DLG2: variants seen among roughly 807,000 people sequenced by gnomAD.
DLG2 encodes the protein disks large homolog 2.
Under a neutral mutation model 132.5 loss-of-function variants are expected in DLG2, and 45 were observed. The observed-to-expected ratio is 0.34, with a 90% CI of 0.27 to 0.44. The LOEUF (loss-of-function observed/expected upper bound fraction) is 0.44, where lower values mean the gene tolerates loss of function less well. DLG2 is among the 20% of genes least tolerant of loss of function. The pLI, the probability that DLG2 is intolerant of heterozygous loss-of-function variation, is 1.00. For synonymous variants in DLG2, 424 were observed against 419.6 expected, an observed-to-expected ratio of 1.01 and a Z score of -0.13; for missense variants, 1,045 against 1,196.9, an observed-to-expected ratio of 0.87 and a Z score of 1.87.
intron 16 of DLG2, among the ~76,000 whole-genome samples, chr11:83,865,350 C>A (rs764772089): frequency 1.3e-5 from 2 of 152,034 alleles, no homozygotes; most frequent in Non-Finnish European, 2.9e-5. Flanking sequence ...TACCCAACCA[C>A]CTTACAAAGC....
chr11:83,826,077 A>G (rs1349383144), intron 17 of DLG2, among the ~76,000 whole-genome samples: 1 of 124,840 alleles, frequency 8.0e-6, no homozygotes, highest in Non-Finnish European at 1.7e-5. Flanking sequence ...CTTTAAGAAC[A>G]GCAGGACACC....
intron 18 of DLG2, among the ~76,000 whole-genome samples, chr11:83,655,640 T>G (rs951063625): frequency 6.6e-6 from 1 of 152,222 alleles, no homozygotes; most frequent in Non-Finnish European, 1.5e-5. Flanking sequence ...TGAAGATATT[T>G]GATTTTATCA....
chr11:84,739,079 G>T (rs983021012), intron 6 of DLG2, among the ~76,000 whole-genome samples: 2 of 152,094 alleles, frequency 1.3e-5, no homozygotes, highest in African/African-American at 4.8e-5. Flanking sequence ...GAGGAATCTT[G>T]GGGTGATGGT....
intron 7 of DLG2, among the ~76,000 whole-genome samples, chr11:84,349,439 C>G (rs969733556): frequency 6.6e-6 from 1 of 150,468 alleles, no homozygotes; most frequent in African/African-American, 2.5e-5. Flanking sequence ...TATTTCAACC[C>G]TTTGGAAAAA....
chr11:84,444,056 T>C (rs2154478744), intron 7 of DLG2, among the ~76,000 whole-genome samples: 1 of 152,140 alleles, frequency 6.6e-6, no homozygotes, highest in East Asian at 1.9e-4. Context: ...ATCTTGTCCT[T>C]TTCAGGGACA....
At chr11:85,478,133 A>G (rs1008022732) in intron 3 of DLG2, among the ~76,000 whole-genome samples, 1 of 151,992 alleles carries the variant, frequency 6.6e-6, no homozygotes, top group African/African-American at 2.4e-5. Context: ...TCAGCTTCCC[A>G]AGGAACTAAG....
chr11:85,407,568 G>T (rs572525342), intron 3 of DLG2, among the ~76,000 whole-genome samples: 1 of 151,922 alleles, frequency 6.6e-6, no homozygotes, highest in African/African-American at 2.4e-5. Context: ...GCAAGAATTT[G>T]AGTGCAATTT....
intron 3 of DLG2, among the ~76,000 whole-genome samples, chr11:85,503,322 A>G (rs774653129): frequency 1.2e-4 from 19 of 152,134 alleles, no homozygotes; most frequent in South Asian, 6.2e-4. Flanking sequence ...TCTAATGACA[A>G]TATATATTTA....
chr11:84,071,242 C>T (rs2096751817), intron 10 of DLG2, among the ~76,000 whole-genome samples: 1 of 151,990 alleles, frequency 6.6e-6, no homozygotes, highest in Non-Finnish European at 1.5e-5. Flanking sequence ...CGAGTGCACA[C>T]CATCACACTG....
At position 84,323,720 on chromosome 11, in the gene DLG2, CTT is replaced by C. The variant is rs35283044; in HGVS notation, c.520-72431_520-72430del. On this transcript the variant is annotated intron_variant, in intron 7 of 27. Coordinates refer to ENST00000376104, the MANE Select transcript of DLG2 (RefSeq NM_001142699.3). ...AACATTTTTTTTGCTTTCTTTTTTCCTTTTTTTTTTTTTTTTTTTTGATAATG... is the reference window on the plus strand; with the variant it reads ...AACATTTTTTTTGCTTTCTTTTTTCCTTTTTTTTTTTTTTTTTTGATAATG... Among the ~76,000 whole-genome samples, 826 of 123,724 alleles carry C rather than the reference CTT, an allele frequency of 6.7e-3. 4 individuals are homozygous for C. Among genetic ancestry groups the C allele is most frequent in the African/African-American group, 0.02 (657 of 33,186 alleles). The allele number at this position is 123,724 out of a possible 152,430, so 81.2% of individuals were successfully genotyped here.
chr11:85,244,251 G>T (rs182608622), intron 4 of DLG2, among the ~76,000 whole-genome samples: 155 of 152,042 alleles, frequency 1.0e-3, no homozygotes, highest in African/African-American at 3.5e-3. Context: ...AAATTATTTA[G>T]AAGTTTAGTA....
chr11:85,175,527 G>A (rs2079174793), intron 4 of DLG2, among the ~76,000 whole-genome samples: 1 of 152,126 alleles, frequency 6.6e-6, no homozygotes. Context: ...GCAAAAGCTG[G>A]AAGCAGAACC....
chr11:85,367,550 G>A (rs2084652661), intron 3 of DLG2, among the ~76,000 whole-genome samples: 1 of 152,076 alleles, frequency 6.6e-6, no homozygotes, highest in Admixed American at 6.6e-5. Flanking sequence ...TGACAGAGTG[G>A]CTTAATCAAT....
rs527565500 is a variant in DLG2 at position 84,640,240 on chromosome 11, C to A, written c.358-105509G>T. On this transcript the variant is annotated intron_variant, in intron 6 of 27. Transcript: ENST00000376104. ...CACAGAACATGATCAAGGGTGTTAA[C>A]AGTGGGCTTCCATTACAAGACGAGG... 2.0e-4 allele frequency: 61 copies of A among 312,444 alleles called. 1 individual carries two copies. Among genetic ancestry groups the A allele is most frequent in the South Asian group, 1.1e-3 (37 of 35,184 alleles). The allele number at this position is 312,444 out of a possible 1,614,324, so 19.4% of individuals were successfully genotyped here.
At chr11:84,532,117 ATTT>A (rs67139617) in intron 7 of DLG2, among the ~76,000 whole-genome samples, 37 of 104,590 alleles carry the variant, frequency 3.5e-4, no homozygotes, top group African/African-American at 9.5e-4. Context: ...TGTTCTGTTC[ATTT>A]TTTTTTTTTT....
intron 19 of DLG2, among the ~76,000 whole-genome samples, chr11:83,563,564 G>A (rs2096651219): frequency 6.6e-6 from 1 of 152,186 alleles, no homozygotes; most frequent in Admixed American, 6.5e-5. Context: ...GGACTGAAGA[G>A]TACAATCGTG....
At chr11:83,820,872 A>G (rs546612375) in intron 17 of DLG2, among the ~76,000 whole-genome samples, 1 of 152,248 alleles carries the variant, frequency 6.6e-6, no homozygotes, top group African/African-American at 2.4e-5. Context: ...TCTTCCAACC[A>G]ACCGACACTT....
At chr11:84,739,666 C>A (rs2064330226) in intron 6 of DLG2, among the ~76,000 whole-genome samples, 1 of 152,082 alleles carries the variant, frequency 6.6e-6, no homozygotes, top group African/African-American at 2.4e-5. Context: ...GGCTAAGGAA[C>A]CTGGGACTTT....
At chr11:85,554,944 T>C (rs986958870) in intron 3 of DLG2, among the ~76,000 whole-genome samples, 4 of 151,414 alleles carry the variant, frequency 2.6e-5, no homozygotes, top group South Asian at 2.1e-4. Flanking sequence ...TCCACACACA[T>C]ATGATTTAAC....
Sources: gnomAD v4.1 joint callset for allele counts (sites outside exome capture counted in the v4.1 genomes callset) on GRCh38, gnomAD v4.1.1 for gene constraint, MANE v1.5 for transcripts, NCBI Gene and HGNC (gene_info 2026-07-23, HGNC 2026-07-21) for gene names.